The following AK9 variants were observed in gnomAD, a reference collection of about 807,000 sequenced individuals.
The protein encoded by AK9 is adenylate kinase 9.
In AK9, 191 loss-of-function variants were observed where a neutral mutation model predicts 239.6. The observed-to-expected ratio is 0.80, with a 90% CI of 0.71 to 0.90. AK9 has a LOEUF of 0.90. Ranked by LOEUF, AK9 falls within the 40% of genes least tolerant of loss-of-function variation. The pLI is 0.00. For synonymous variants in AK9, 689 were observed against 721.0 expected, an observed-to-expected ratio of 0.96 and a Z score of 0.71; for missense variants, 1,995 against 2,214.7, an observed-to-expected ratio of 0.90 and a Z score of 1.99.
rs548106255 is a variant in AK9 at position 109,648,337 on chromosome 6, A to C, written c.760-3649T>G. On this transcript the variant is annotated intron_variant, in intron 8 of 40. Transcript: ENST00000424296. ...TGAAAAGATCAACAAAATTGATAGA[A>C]CGCTAGCAAGACTAATAAAGAAGAA... Among the ~76,000 whole-genome samples, 270 of 152,050 alleles carry C rather than the reference A, an allele frequency of 1.8e-3. 3 individuals are homozygous for C. Among genetic ancestry groups the C allele is most frequent in the Admixed American group, 0.015 (234 of 15,246 alleles).
At chr6:109,540,377 T>A (rs1782703278) in intron 27 of AK9, among the ~76,000 whole-genome samples, 1 of 152,216 alleles carries the variant, frequency 6.6e-6, no homozygotes, top group Admixed American at 6.5e-5. Flanking sequence ...TGAGTGAGGC[T>A]CTGTGGGTGT....
At chr6:109,510,085 C>T (rs537384703) in intron 32 of AK9, among the ~76,000 whole-genome samples, 1 of 152,048 alleles carries the variant, frequency 6.6e-6, no homozygotes, top group East Asian at 2.0e-4. Flanking sequence ...CCAGTAAGGC[C>T]CCAGCTTCAG....
At chr6:109,667,649 G>A (rs889454787) in intron 5 of AK9, among the ~76,000 whole-genome samples, 8 of 151,758 alleles carry the variant, frequency 5.3e-5, no homozygotes, top group African/African-American at 1.2e-4. Context: ...GAGAACATGC[G>A]GTGTTTGGTT....
intron 12 of AK9, among the ~76,000 whole-genome samples, chr6:109,622,432 ATAG>A (rs1206067361): frequency 7.7e-6 from 1 of 129,146 alleles, no homozygotes; most frequent in Non-Finnish European, 1.6e-5. Flanking sequence ...ATAGTATACT[ATAG>A]TATATTATAC....
intron 26 of AK9, among the ~76,000 whole-genome samples, chr6:109,544,264 G>T (rs1006483561): frequency 7.9e-5 from 12 of 152,154 alleles, no homozygotes; most frequent in African/African-American, 2.9e-4. Context: ...ATCTATATCA[G>T]AAATGGTTAA....
chr6:109,657,828 A>T (rs1246068062), intron 7 of AK9, among the ~76,000 whole-genome samples: 1 of 152,098 alleles, frequency 6.6e-6, no homozygotes, highest in East Asian at 1.9e-4. Flanking sequence ...GAACATTTTA[A>T]GGTAGAGGGA....
At chr6:109,525,157 C>T (rs1034025226) in intron 29 of AK9, among the ~76,000 whole-genome samples, 11 of 152,102 alleles carry the variant, frequency 7.2e-5, no homozygotes, top group African/African-American at 1.4e-4. Flanking sequence ...TCGACCTTGT[C>T]GAAGATCAGA....
Position 109,514,521 on chromosome 6 carries a change from G to A in AK9, c.4066-84C>T, listed in dbSNP as rs1035641062. The A allele has an allele frequency of 3.1e-5, 37 of 1,207,638 alleles. No individual in the cohort carries two copies. The highest frequency in any genetic ancestry group is 6.2e-5 in the African/African-American group (4 of 64,408). The allele number at this position is 1,207,638 out of a possible 1,614,324, so 74.8% of individuals were successfully genotyped here. Reference sequence around the variant, plus strand: ...GAAACATATTTGAAAAAAACAATTCGTGACATAAGAAAAAAAAATTCCTTA... The same window carrying A: ...GAAACATATTTGAAAAAAACAATTCATGACATAAGAAAAAAAAATTCCTTA... On this transcript the variant is annotated intron_variant, in intron 31 of 40. Transcript: ENST00000424296.
intron 17 of AK9, among the ~76,000 whole-genome samples, chr6:109,606,577 G>A (rs1023725166): frequency 6.6e-6 from 1 of 152,186 alleles, no homozygotes; most frequent in Non-Finnish European, 1.5e-5. Context: ...ACACAGAGTG[G>A]CAGGTTTGAC....
chr6:109,493,974 GA>G lies in AK9; in HGVS notation c.5533+6del. 1 of 1,569,132 alleles carries G rather than the reference GA, an allele frequency of 6.4e-7. No homozygotes were observed. The highest frequency in any genetic ancestry group is 8.7e-7 in the Non-Finnish European group (1 of 1,145,316). On this transcript the variant is annotated splice_donor_region_variant and intron_variant, in intron 40 of 40. Transcript: ENST00000424296. Reference sequence around the variant, plus strand: ...TTCTGAGTAGTAAATAATTAAAAAAGACATACCTTTGAGATGAAGTGCTATA... The same window carrying G: ...TTCTGAGTAGTAAATAATTAAAAAAGCATACCTTTGAGATGAAGTGCTATA...
intron 29 of AK9, among the ~76,000 whole-genome samples, chr6:109,527,194 AGATGGCGACATTTCCCTAT>A: frequency 6.6e-6 from 1 of 152,344 alleles, no homozygotes; most frequent in South Asian, 2.1e-4. Context: ...CAGGTCCACA[AGATGGCGACATTTCCCTAT>A]GAAATTAATG....
chr6:109,653,535 T>C (rs1453584164), intron 8 of AK9, among the ~76,000 whole-genome samples: 1 of 152,234 alleles, frequency 6.6e-6, no homozygotes, highest in African/African-American at 2.4e-5. Flanking sequence ...TTAACCCTTA[T>C]CTGGCATGTG....
intron 17 of AK9, among the ~76,000 whole-genome samples, chr6:109,605,949 G>A (rs1792807934): frequency 6.6e-6 from 1 of 152,060 alleles, no homozygotes; most frequent in South Asian, 2.1e-4. Context: ...TGAGGCTGGG[G>A]ACTGTGCCTG....
At chr6:109,618,482 G>A (rs1420149654) in intron 13 of AK9, among the ~76,000 whole-genome samples, 1 of 151,074 alleles carries the variant, frequency 6.6e-6, no homozygotes, top group African/African-American at 2.4e-5. Flanking sequence ...TCAACAGTCA[G>A]TGAGACACAG....
chr6:109,648,977 C>A (rs1798510544), intron 8 of AK9, among the ~76,000 whole-genome samples: 1 of 152,054 alleles, frequency 6.6e-6, no homozygotes, highest in Non-Finnish European at 1.5e-5. Context: ...ATAAACAGAA[C>A]CAAAGACAAA....
chr6:109,514,799 T>G (rs1259941145), intron 31 of AK9, among the ~76,000 whole-genome samples: 11 of 152,148 alleles, frequency 7.2e-5, no homozygotes, highest in Admixed American at 7.2e-4. Flanking sequence ...TAAGGTGATG[T>G]TATGGATTGA....
chr6:109,550,219 G>T lies in AK9; in HGVS notation c.2835C>A (p.Ile945=). Residue 945 remains isoleucine, a synonymous_variant, in exon 25 of 41, where the codon ATC becomes ATA. Coordinates refer to ENST00000424296, the MANE Select transcript of AK9 (RefSeq NM_001145128.3). ...CTTCTTCTGTGTTTCCTGGTTGCAGGATGAAGTTTTCTTTGAGGACCACCG... is the reference window on the plus strand; with the variant it reads ...CTTCTTCTGTGTTTCCTGGTTGCAGTATGAAGTTTTCTTTGAGGACCACCG... ...FCPVVLKENF[I]LQPGNTEEAA... is the part of the protein sequence containing the mutation. 1 of 1,613,550 alleles carries T rather than the reference G, an allele frequency of 6.2e-7. No homozygotes were observed. Among genetic ancestry groups the T allele is most frequent in the Non-Finnish European group, 8.5e-7 (1 of 1,179,976 alleles).
At chr6:109,516,729 T>A in intron 29 of AK9, 87 bp from the exon 30 acceptor site, 1 of 1,162,352 alleles carries the variant, frequency 8.6e-7, no homozygotes. Flanking sequence ...TATTTTGTAA[T>A]GGCTCGATAT....
chr6:109,547,295 G>T (rs1350070295), intron 25 of AK9, among the ~76,000 whole-genome samples: 1 of 152,202 alleles, frequency 6.6e-6, no homozygotes, highest in Non-Finnish European at 1.5e-5. Context: ...ATTATCAAAA[G>T]TAATAAGGCA....
Sources: gnomAD v4.1 joint callset for allele counts (sites outside exome capture counted in the v4.1 genomes callset) on GRCh38, gnomAD v4.1.1 for gene constraint, MANE v1.5 for transcripts, NCBI Gene and HGNC (gene_info 2026-07-23, HGNC 2026-07-21) for gene names.